Variants in GALM observed in about 807,000 individuals in gnomAD.
The protein encoded by GALM is aldose 1-epimerase.
In GALM, 43 loss-of-function variants were observed where a neutral mutation model predicts 37.4. The ratio of observed to expected loss-of-function variants is 1.15; its 90% CI spans 0.90 to 1.48. The LOEUF (loss-of-function observed/expected upper bound fraction) is 1.48, where lower values mean the gene tolerates loss of function less well. GALM is among the 40% of genes most tolerant of loss of function. The probability of loss-of-function intolerance (pLI) is 0.00; values close to 1 mark genes in which losing one functional copy is unlikely to be tolerated. For missense variants in GALM, 456 were observed against 419.1 expected, an observed-to-expected ratio of 1.09 and a Z score of -0.77; for synonymous variants, 199 against 170.6, an observed-to-expected ratio of 1.17 and a Z score of -1.30.
intron 4 of GALM, among the ~76,000 whole-genome samples, chr2:38,721,041 A>G (rs1411150857): frequency 6.6e-6 from 1 of 152,242 alleles, no homozygotes; most frequent in African/African-American, 2.4e-5. Flanking sequence ...TAAGGAGAGC[A>G]TGTGGATGGG....
At chr2:38,680,332 AC>A (rs1349455850) in intron 2 of GALM, among the ~76,000 whole-genome samples, 1 of 152,182 alleles carries the variant, frequency 6.6e-6, no homozygotes, top group Non-Finnish European at 1.5e-5. Flanking sequence ...ACAAAAAAAA[AC>A]TTTAAAAATA....
chr2:38,703,630 T>C (rs1665976108), intron 4 of GALM, among the ~76,000 whole-genome samples: 1 of 152,154 alleles, frequency 6.6e-6, no homozygotes, highest in African/African-American at 2.4e-5. Context: ...GCACAGAATC[T>C]CTAACCCAGA....
intron 3 of GALM, among the ~76,000 whole-genome samples, chr2:38,687,309 C>A (rs1665561694): frequency 6.6e-6 from 1 of 152,210 alleles, no homozygotes; most frequent in African/African-American, 2.4e-5. Flanking sequence ...CAGCTCACAG[C>A]AGAGTGAGCT....
intron 1 of GALM, among the ~76,000 whole-genome samples, chr2:38,672,431 A>C (rs148889825): frequency 1.3e-5 from 2 of 152,346 alleles, no homozygotes; most frequent in East Asian, 3.9e-4. Flanking sequence ...AGCTATTTTC[A>C]GAAAGAGAAG....
chr2:38,675,782 G>T (rs1665245458), intron 1 of GALM, 130 bp from the exon 2 acceptor site: 5 of 795,530 alleles, frequency 6.3e-6, no homozygotes, highest in South Asian at 4.6e-5. Flanking sequence ...TGTTAGCCAG[G>T]ATGGTCTCGA....
intron 4 of GALM, among the ~76,000 whole-genome samples, chr2:38,710,971 C>T (rs1666140043): frequency 6.6e-6 from 1 of 151,816 alleles, no homozygotes; most frequent in Non-Finnish European, 1.5e-5. Flanking sequence ...CCAGGCTGGT[C>T]TTGAACTTCT....
At chr2:38,706,743 T>C (rs1666042643) in intron 4 of GALM, among the ~76,000 whole-genome samples, 1 of 151,786 alleles carries the variant, frequency 6.6e-6, no homozygotes, top group Non-Finnish European at 1.5e-5. Flanking sequence ...GATGCTGTTG[T>C]TGGAGCTGGG....
At chr2:38,667,836 CA>C (rs1247251701) in intron 1 of GALM, among the ~76,000 whole-genome samples, 1 of 151,998 alleles carries the variant, frequency 6.6e-6, no homozygotes, top group Non-Finnish European at 1.5e-5. Context: ...GACCCCATCT[CA>C]AAAAAATAAA....
At chr2:38,669,868 T>A (rs1189428832) in intron 1 of GALM, among the ~76,000 whole-genome samples, 1 of 148,358 alleles carries the variant, frequency 6.7e-6, no homozygotes, top group African/African-American at 2.5e-5. Context: ...CAAGACTTCA[T>A]CTCAAAAGAA....
intron 4 of GALM, among the ~76,000 whole-genome samples, chr2:38,720,992 G>A (rs1010403312): frequency 1.3e-5 from 2 of 152,234 alleles, no homozygotes; most frequent in African/African-American, 4.8e-5. Flanking sequence ...AGGAAACACA[G>A]ACTCCACGGC....
At chr2:38,714,638 C>A (rs1666233752) in intron 4 of GALM, among the ~76,000 whole-genome samples, 1 of 152,196 alleles carries the variant, frequency 6.6e-6, no homozygotes, top group African/African-American at 2.4e-5. Context: ...AAAATAGTAA[C>A]CACTTTCTGT....
chr2:38,688,180 C>A (rs1157706178), intron 3 of GALM, among the ~76,000 whole-genome samples: 1 of 151,262 alleles, frequency 6.6e-6, no homozygotes, highest in Non-Finnish European at 1.5e-5. Context: ...CTACTTCACT[C>A]CGGCCTGGGC....
rs1276266152 is a variant in GALM, at chr2:38,729,538, T to C, written c.635-18T>C. 6.2e-7 allele frequency: 1 copy of C among 1,610,752 alleles called. No homozygotes were observed. Among genetic ancestry groups the C allele is most frequent in the Non-Finnish European group, 8.5e-7 (1 of 1,178,440 alleles). The stretch of plus-strand genomic sequence containing the variant: ...ACTTGGGCATTTATCACCTTTGTTT[T>C]CTGTCTCTTCCCATCAGGAGAAGTT... On this transcript the variant is annotated intron_variant, in intron 4 of 6. Coordinates refer to ENST00000272252, the MANE Select transcript of GALM (RefSeq NM_138801.3).
At position 38,713,166 on chromosome 2, in the gene GALM, C is replaced by G. The variant is rs190334691; in HGVS notation, c.635-16390C>G. On this transcript the variant is annotated intron_variant, in intron 4 of 6. Coordinates refer to ENST00000272252, the MANE Select transcript of GALM (RefSeq NM_138801.3). Reference sequence around the variant, plus strand: ...GGCTCCCTAATCACACCATTGTCACCGGAGCCTACCCAAGCTGCTGGGAAG... The same window carrying G: ...GGCTCCCTAATCACACCATTGTCACGGGAGCCTACCCAAGCTGCTGGGAAG... Among the ~76,000 whole-genome samples the G allele has an allele frequency of 6.2e-4, 94 of 152,258 alleles. 1 individual carries two copies. In the East Asian group the frequency reaches 0.017, roughly 27 times the overall value.
intron 1 of GALM, among the ~76,000 whole-genome samples, chr2:38,675,424 G>C (rs1029967527): frequency 1.3e-5 from 2 of 151,886 alleles, no homozygotes; most frequent in African/African-American, 4.8e-5. Context: ...CTGTGATTCA[G>C]TGAGGACTTT....
At chr2:38,731,619 A>G (rs1666611609) in intron 5 of GALM, 116 bp from the exon 6 acceptor site, 2 of 754,800 alleles carry the variant, frequency 2.6e-6, no homozygotes, top group Non-Finnish European at 4.5e-6. Flanking sequence ...TCCTCCTTAT[A>G]TCTTGTCCCT....
intron 2 of GALM, among the ~76,000 whole-genome samples, chr2:38,677,036 A>T (rs888230842): frequency 2.0e-5 from 3 of 152,192 alleles, no homozygotes; most frequent in Admixed American, 2.0e-4. Context: ...TCCACATGAA[A>T]ACGACCATTC....
chr2:38,714,096 G>A (rs1417303861), intron 4 of GALM, among the ~76,000 whole-genome samples: 2 of 151,946 alleles, frequency 1.3e-5, no homozygotes, highest in Non-Finnish European at 2.9e-5. Flanking sequence ...ACTATTATTA[G>A]TACCATCATC....
At chr2:38,667,614 A>T (rs1356664181) in intron 1 of GALM, among the ~76,000 whole-genome samples, 6 of 145,290 alleles carry the variant, frequency 4.1e-5, no homozygotes, top group African/African-American at 1.5e-4. Flanking sequence ...AAAAAACAAA[A>T]CTCAGCTTTC....
Sources: allele counts gnomAD v4.1 joint callset (sites outside exome capture counted in the v4.1 genomes callset), GRCh38; gene constraint gnomAD v4.1.1; transcripts MANE v1.5; gene names NCBI Gene and HGNC (gene_info 2026-07-23, HGNC 2026-07-21).